BMPR2: variants seen among roughly 807,000 people sequenced by gnomAD.
BMPR2 encodes the protein bone morphogenetic protein receptor type-2.
Under a neutral mutation model 100.8 loss-of-function variants are expected in BMPR2, and 29 were observed. The observed-to-expected ratio is 0.29, with a 90% CI of 0.21 to 0.39. The LOEUF (loss-of-function observed/expected upper bound fraction) is 0.39, where lower values mean the gene tolerates loss of function less well. BMPR2 is among the 10% of genes least tolerant of loss of function. The probability of loss-of-function intolerance (pLI) is 1.00; values close to 1 mark genes in which losing one functional copy is unlikely to be tolerated. For missense variants in BMPR2, 1,011 were observed against 1,274.5 expected (o/e 0.79, Z 3.15); for synonymous variants, 382 against 442.3 (o/e 0.86, Z 1.71).
At position 202,563,086 on chromosome 2, in the gene BMPR2, A is replaced by G. The variant is rs1336821824; in HGVS notation, c.*3140A>G. ...GCCTCTCTCCACATCTCTTTCATCC[A>G]TACCACACTGCCTACATGCCATATG... On this transcript the variant is annotated 3_prime_UTR_variant, in exon 13 of 13. Transcript: ENST00000374580. The G allele has an allele frequency of 6.6e-6, 1 of 152,170 alleles. No homozygotes were observed. Among genetic ancestry groups the G allele is most frequent in the African/African-American group, 2.4e-5 (1 of 41,434 alleles). The allele number at this position is 152,170 out of a possible 1,614,324, so 9.4% of individuals were successfully genotyped here. A position where few individuals can be genotyped will look rare whatever the true frequency, so the allele number is the denominator to read the frequency against.
chr2:202,559,958 G>A lies in BMPR2; in HGVS notation c.*12G>A. ...TGAACTGTCTGTGAAATGTTTTCAA[G>A]CCTATGGAGTGAAATTATTTTTTGC... On this transcript the variant is annotated 3_prime_UTR_variant, in exon 13 of 13. Transcript: ENST00000374580. The A allele has an allele frequency of 6.2e-7, 1 of 1,613,780 alleles. No individual in the cohort carries two copies. Among genetic ancestry groups the A allele is most frequent in the Non-Finnish European group, 8.5e-7 (1 of 1,179,988 alleles).
chr2:202,382,481 G>A (rs1308763640), intron 1 of BMPR2, among the ~76,000 whole-genome samples: 2 of 152,148 alleles, frequency 1.3e-5, no homozygotes, highest in African/African-American at 4.8e-5. Context: ...GTGAGCTACC[G>A]CACCTGACCA....
chr2:202,478,797 C>G (rs1248822662), intron 3 of BMPR2, among the ~76,000 whole-genome samples: 1 of 151,884 alleles, frequency 6.6e-6, no homozygotes, highest in South Asian at 2.1e-4. Flanking sequence ...TGTGGTGGTG[C>G]ATGTTGTAGT....
rs67365959 is a variant in BMPR2 at position 202,530,669 on chromosome 2, CTCT to C, written c.968-123_968-121del. On this transcript the variant is annotated intron_variant, in intron 7 of 12. Transcript: ENST00000374580. The stretch of plus-strand genomic sequence containing the variant: ...TGAGTGTGAGTTGAAATTCCGATTT[CTCT>C]TTTTTTGTTATTAGAAAATTAATGG... 107,210 of 844,046 alleles carry C rather than the reference CTCT, an allele frequency of 0.13. 7,469 individuals carry two copies. Among genetic ancestry groups the C allele is most frequent in the Admixed American group, 0.14 (5,180 of 36,360 alleles). 52.3% of individuals were successfully genotyped at this position (844,046 alleles called of 1,614,324 possible). A position where few individuals can be genotyped will look rare whatever the true frequency, so the allele number is the denominator to read the frequency against.
chr2:202,424,653 T>G lies in BMPR2; in HGVS notation c.77-40156T>G, dbSNP rs993951431. ...GGAGGTTGCAGTGAGCTGAGATCGC[T>G]CCACTGCACTCCAGCCTGGGCGACA... On this transcript the variant is annotated intron_variant, in intron 1 of 12. Coordinates refer to ENST00000374580, the MANE Select transcript of BMPR2 (RefSeq NM_001204.7). 6.2e-5 allele frequency among the ~76,000 whole-genome samples: 9 copies of G among 145,316 alleles called. No individual in the cohort carries two copies. The East Asian group carries it at 6.4e-4, about 10-fold the overall frequency.
At chr2:202,487,066 T>TA (rs141083001) in intron 3 of BMPR2, among the ~76,000 whole-genome samples, 5,188 of 152,214 alleles carry the variant, frequency 0.034, 297 homozygotes, top group African/African-American at 0.12. Context: ...TTTTTATTAA[T>TA]AAAAAAATGC....
intron 7 of BMPR2, among the ~76,000 whole-genome samples, chr2:202,529,186 G>T (rs1467714827): frequency 1.3e-5 from 2 of 152,180 alleles, no homozygotes; most frequent in Non-Finnish European, 2.9e-5. Flanking sequence ...AGGGCAGGGG[G>T]ATAGCACTGG....
chr2:202,422,758 ACT>A (rs1243804402), intron 1 of BMPR2, among the ~76,000 whole-genome samples: 20 of 151,686 alleles, frequency 1.3e-4, no homozygotes, highest in African/African-American at 4.8e-4. Flanking sequence ...CTCACTGCAG[ACT>A]CTGCCTCGTG....
chr2:202,551,375 A>G (rs559212805), intron 10 of BMPR2, among the ~76,000 whole-genome samples: 1 of 151,126 alleles, frequency 6.6e-6, no homozygotes, highest in Non-Finnish European at 1.5e-5. Context: ...AAAAAAAAAA[A>G]CAGCCGGGCG....
chr2:202,539,862 A>G (rs1688240203), intron 9 of BMPR2, among the ~76,000 whole-genome samples: 1 of 152,164 alleles, frequency 6.6e-6, no homozygotes, highest in Non-Finnish European at 1.5e-5. Flanking sequence ...ACTATAAGAT[A>G]TTTTGGGCAG....
At chr2:202,535,164 G>T (rs1248409775) in intron 9 of BMPR2, among the ~76,000 whole-genome samples, 14 of 144,922 alleles carry the variant, frequency 9.7e-5, no homozygotes, top group South Asian at 6.6e-4. Flanking sequence ...CGGATGGGGC[G>T]GCTGGCCTGG....
At chr2:202,492,097 A>C (rs1341714989) in intron 3 of BMPR2, among the ~76,000 whole-genome samples, 1 of 152,124 alleles carries the variant, frequency 6.6e-6, no homozygotes, top group Non-Finnish European at 1.5e-5. Flanking sequence ...AGGCAAAAAA[A>C]CTCAGCATTC....
At chr2:202,474,846 T>C (rs1435472957) in intron 3 of BMPR2, 1 of 152,054 alleles carries the variant, frequency 6.6e-6, no homozygotes, top group Non-Finnish European at 1.5e-5. Context: ...ATTCCTATAG[T>C]TTTGTATTGT....
Position 202,561,197 on chromosome 2 carries a change from G to A in BMPR2, c.*1251G>A, listed in dbSNP as rs888395351. ...CATGCCAAGTCCCTATGAAGGAAGG[G>A]CTGCTATCAAACCTACCTTTTTTGA... On this transcript the variant is annotated 3_prime_UTR_variant, in exon 13 of 13. Coordinates refer to ENST00000374580, the MANE Select transcript of BMPR2 (RefSeq NM_001204.7). 1 of 152,072 alleles carries A rather than the reference G, an allele frequency of 6.6e-6. No individual in the cohort carries two copies. The highest frequency in any genetic ancestry group is 6.6e-5 in the Admixed American group (1 of 15,266). 9.4% of individuals were successfully genotyped at this position (152,072 alleles called of 1,614,324 possible). A position where few individuals can be genotyped will look rare whatever the true frequency, so the allele number is the denominator to read the frequency against.
intron 1 of BMPR2, among the ~76,000 whole-genome samples, chr2:202,405,415 G>A (rs374888229): frequency 2.0e-5 from 3 of 152,052 alleles, no homozygotes; most frequent in Non-Finnish European, 4.4e-5. Context: ...GGGGCAGGGC[G>A]TGGTGGCTCA....
At chr2:202,404,194 GTTT>G (rs747014208) in intron 1 of BMPR2, among the ~76,000 whole-genome samples, 1 of 133,798 alleles carries the variant, frequency 7.5e-6, no homozygotes, top group Non-Finnish European at 1.6e-5. Context: ...TCTTTGGGTT[GTTT>G]TTTTTTTTTT....
At chr2:202,379,406 CACAT>C (rs1690222851) in intron 1 of BMPR2, among the ~76,000 whole-genome samples, 1 of 152,198 alleles carries the variant, frequency 6.6e-6, no homozygotes, top group Non-Finnish European at 1.5e-5. Flanking sequence ...TGTGCGCCCT[CACAT>C]ACCACATTAA....
intron 1 of BMPR2, among the ~76,000 whole-genome samples, chr2:202,445,680 A>T (rs1176909753): frequency 1.3e-5 from 2 of 150,112 alleles, no homozygotes; most frequent in Non-Finnish European, 2.9e-5. Context: ...GGTTGGTCTC[A>T]AACTCCTGGG....
Position 202,562,406 on chromosome 2 carries a change from ACTC to A in BMPR2, c.*2463_*2465del, listed in dbSNP as rs1688690870. 1 of 152,502 alleles carries A rather than the reference ACTC, an allele frequency of 6.6e-6. No homozygotes were observed. The highest frequency in any genetic ancestry group is 6.6e-5 in the Admixed American group (1 of 15,252). 9.4% of individuals were successfully genotyped at this position (152,502 alleles called of 1,614,324 possible). ...TCCTTTCACCAGTTTTTCTTAGTAA[ACTC>A]CTGAAAAAGTAGGAAAGGTGGAAAG... On this transcript the variant is annotated 3_prime_UTR_variant, in exon 13 of 13. Transcript: ENST00000374580.
Sources: gnomAD v4.1 joint callset for allele counts (sites outside exome capture counted in the v4.1 genomes callset) on GRCh38, gnomAD v4.1.1 for gene constraint, MANE v1.5 for transcripts, NCBI Gene and HGNC (gene_info 2026-07-23, HGNC 2026-07-21) for gene names.